Variants in CSGALNACT2 observed in about 807,000 individuals in gnomAD.
CSGALNACT2 encodes the protein beta 4 GalNAcT-2.
CSGALNACT2 carries 35 observed loss-of-function variants against 55.3 expected under a neutral mutation model. The ratio of observed to expected loss-of-function variants is 0.63; its 90% CI spans 0.48 to 0.84. The LOEUF (loss-of-function observed/expected upper bound fraction) is 0.84, where lower values mean the gene tolerates loss of function less well. Ranked by LOEUF, CSGALNACT2 falls within the 40% of genes least tolerant of loss-of-function variation. The probability of loss-of-function intolerance (pLI) is 0.00; values close to 1 mark genes in which losing one functional copy is unlikely to be tolerated. For missense variants in CSGALNACT2, 544 were observed against 657.5 expected (o/e 0.83, Z 1.89); for synonymous variants, 196 against 224.9 (o/e 0.87, Z 1.15).
intron 6 of CSGALNACT2, among the ~76,000 whole-genome samples, chr10:43,171,051 A>G (rs1324869088): frequency 2.6e-5 from 4 of 152,222 alleles, no homozygotes; most frequent in African/African-American, 9.6e-5. Flanking sequence ...GAATAGAAAA[A>G]AAAGACAGTA....
At chr10:43,158,981 C>T (rs187785219) in intron 3 of CSGALNACT2, 50 bp downstream of exon 3, 56 of 1,112,498 alleles carry the variant, frequency 5.0e-5, no homozygotes, top group East Asian at 1.4e-4. Context: ...AAAAAAATCA[C>T]GTTTTACTCA....
At chr10:43,168,450 CA>C (rs1372496686) in intron 6 of CSGALNACT2, among the ~76,000 whole-genome samples, 1 of 151,052 alleles carries the variant, frequency 6.6e-6, no homozygotes, top group East Asian at 1.9e-4. Flanking sequence ...GACTCCATCT[CA>C]AAAAAACAAA....
In CSGALNACT2 at chr10:43,148,567, G is replaced by A. The variant is rs1195635264; in HGVS notation, c.-253-6330G>A. Among the ~76,000 whole-genome samples the A allele has an allele frequency of 2.6e-5, 4 of 152,050 alleles. No individual in the cohort carries two copies. The East Asian group carries it at 7.7e-4, about 29-fold the overall frequency. On this transcript the variant is annotated intron_variant, in intron 1 of 7. Coordinates refer to ENST00000374466, the MANE Select transcript of CSGALNACT2 (RefSeq NM_018590.5). ...TAAATCTTAACTTTCTTCCAACAAT[G>A]TTTTGTAGTTTCTATGAATACAAGT...
intron 7 of CSGALNACT2, among the ~76,000 whole-genome samples, chr10:43,176,806 A>G (rs555327565): frequency 6.6e-6 from 1 of 152,332 alleles, no homozygotes; most frequent in African/African-American, 2.4e-5. Context: ...GGTTCAAGCA[A>G]TCTGCCCACC....
chr10:43,158,252 C>T (rs1588900539), intron 2 of CSGALNACT2, among the ~76,000 whole-genome samples: 1 of 152,144 alleles, frequency 6.6e-6, no homozygotes, highest in Admixed American at 6.5e-5. Flanking sequence ...CTGTCTCCTT[C>T]ACTAGACTGG....
rs1839201970 is a variant in CSGALNACT2 at position 43,163,805 on chromosome 10, A to G, written c.981-61A>G. 4 of 1,519,856 alleles carry G rather than the reference A, an allele frequency of 2.6e-6. No individual in the cohort carries two copies. In the Admixed American group the frequency reaches 8.4e-5, roughly 32 times the overall value. The allele number at this position is 1,519,856 out of a possible 1,614,324, so 94.1% of individuals were successfully genotyped here. A position where few individuals can be genotyped will look rare whatever the true frequency, so the allele number is the denominator to read the frequency against. Reference sequence around the variant, plus strand: ...AAACATATTTTGTAAGCTGTGTTGAAGGAAGAAAATTGGTAACTTTAAGTG... The same window carrying G: ...AAACATATTTTGTAAGCTGTGTTGAGGGAAGAAAATTGGTAACTTTAAGTG... On this transcript the variant is annotated intron_variant, in intron 4 of 7. Coordinates refer to ENST00000374466, the MANE Select transcript of CSGALNACT2 (RefSeq NM_018590.5).
intron 1 of CSGALNACT2, among the ~76,000 whole-genome samples, chr10:43,139,667 C>G (rs935885350): frequency 6.6e-6 from 1 of 152,200 alleles, no homozygotes; most frequent in African/African-American, 2.4e-5. Flanking sequence ...CAGTTATATC[C>G]TTGTTTTCCC....
intron 5 of CSGALNACT2, among the ~76,000 whole-genome samples, chr10:43,164,314 A>T (rs1488043479): frequency 6.6e-6 from 1 of 152,178 alleles, no homozygotes; most frequent in African/African-American, 2.4e-5. Context: ...GGTATCTACA[A>T]ATTGATGAGG....
intron 7 of CSGALNACT2, among the ~76,000 whole-genome samples, chr10:43,178,721 T>C (rs931412849): frequency 6.6e-6 from 1 of 152,156 alleles, no homozygotes. Flanking sequence ...ATCGTTTTTT[T>C]CCCTAATATT....
At chr10:43,146,220 G>T (rs544701121) in intron 1 of CSGALNACT2, among the ~76,000 whole-genome samples, 2 of 152,198 alleles carry the variant, frequency 1.3e-5, no homozygotes, top group Non-Finnish European at 2.9e-5. Flanking sequence ...AGCTAACAGT[G>T]CAGCCTTCAG....
chr10:43,155,787 T>C lies in CSGALNACT2; in HGVS notation c.638T>C (p.Phe213Ser). 6.2e-7 allele frequency: 1 copy of C among 1,608,014 alleles called. No homozygotes were observed. The highest frequency in any genetic ancestry group is 8.5e-7 in the Non-Finnish European group (1 of 1,177,360). Residue 213 changes from phenylalanine (F) to serine (S), a missense_variant, in exon 2 of 8, where the codon TTT (phenylalanine) becomes TCT (serine). Physicochemically the swap from Phe to Ser is radical, Grantham distance 155. Coordinates refer to ENST00000374466, the MANE Select transcript of CSGALNACT2 (RefSeq NM_018590.5). ...GGTCCCCTTGGAGAGAAACTGATAT[T>C]TAATGAAAATGACTTCGTAGAAGGT... is the stretch of plus-strand genomic sequence containing the variant. Reference protein sequence around the residue: ...EEGPLGEKLIFNENDFVEGYY... With the variant: ...EEGPLGEKLISNENDFVEGYY...
intron 1 of CSGALNACT2, among the ~76,000 whole-genome samples, chr10:43,149,650 A>G (rs1335032602): frequency 6.6e-6 from 1 of 152,112 alleles, no homozygotes; most frequent in Non-Finnish European, 1.5e-5. Context: ...ATATTGGCCT[A>G]TGGTTTTCTT....
chr10:43,155,750 G>C lies in CSGALNACT2; in HGVS notation c.601G>C (p.Glu201Gln), dbSNP rs1838992571. The C allele has an allele frequency of 6.2e-7, 1 of 1,613,982 alleles. No individual in the cohort carries two copies. The highest frequency in any genetic ancestry group is 1.7e-5 in the Admixed American group (1 of 59,996). Residue 201 changes from glutamate to glutamine, a missense_variant, in exon 2 of 8, where the codon GAA (glutamate) becomes CAA (glutamine). By Grantham distance (29) the Glu-to-Gln change is conservative. Coordinates refer to ENST00000374466, the MANE Select transcript of CSGALNACT2 (RefSeq NM_018590.5). ...TAATCCTGATGAAGATGATGAACAA[G>C]AAGATGAGGAGGGTCCCCTTGGAGA... ...INNPDEDDEQ[E>Q]DEEGPLGEKL...
intron 6 of CSGALNACT2, among the ~76,000 whole-genome samples, chr10:43,170,056 T>TA (rs1303177962): frequency 2.0e-4 from 30 of 152,022 alleles, no homozygotes; most frequent in African/African-American, 7.0e-4. Context: ...GACCTGAGAG[T>TA]AAATAGTGGT....
chr10:43,162,115 T>C, intron 4 of CSGALNACT2: 1 of 515,700 alleles, frequency 1.9e-6, no homozygotes, highest in Non-Finnish European at 3.9e-6. Context: ...TTCTCAGGGA[T>C]TGGAACCAGA....
At chr10:43,179,841 T>A (rs1274709102) in intron 7 of CSGALNACT2, among the ~76,000 whole-genome samples, 3 of 152,232 alleles carry the variant, frequency 2.0e-5, no homozygotes, top group Non-Finnish European at 2.9e-5. Flanking sequence ...CTTAATTGCT[T>A]ACTACCAAAA....
chr10:43,169,172 C>G (rs1224101553), intron 6 of CSGALNACT2, among the ~76,000 whole-genome samples: 1 of 152,140 alleles, frequency 6.6e-6, no homozygotes, highest in East Asian at 1.9e-4. Context: ...AGCGCATTCC[C>G]CCTGAGACCC....
chr10:43,167,697 A>G (rs919263995), intron 6 of CSGALNACT2, among the ~76,000 whole-genome samples: 1 of 152,160 alleles, frequency 6.6e-6, no homozygotes, highest in Non-Finnish European at 1.5e-5. Flanking sequence ...ACATTTGTCA[A>G]AGTGAAGAAA....
intron 4 of CSGALNACT2, among the ~76,000 whole-genome samples, chr10:43,161,502 A>G (rs144926424): frequency 3.3e-5 from 5 of 152,154 alleles, no homozygotes; most frequent in Admixed American, 2.0e-4. Flanking sequence ...TTCAACTCAC[A>G]TTCATTGAGT....
Sources: gnomAD v4.1 joint callset for allele counts (sites outside exome capture counted in the v4.1 genomes callset) on GRCh38, gnomAD v4.1.1 for gene constraint, MANE v1.5 for transcripts, NCBI Gene and HGNC (gene_info 2026-07-23, HGNC 2026-07-21) for gene names.